CHST9: variants seen among roughly 807,000 people sequenced by gnomAD.
CHST9 encodes the protein GalNAc-4-sulfotransferase 2.
A neutral mutation model predicts 44.4 loss-of-function variants in CHST9; 41 were observed. The ratio of observed to expected loss-of-function variants is 0.92; its 90% CI spans 0.72 to 1.20. CHST9 has a LOEUF of 1.20. Ranked by LOEUF, CHST9 falls within the 50% of genes most tolerant of loss-of-function variation. CHST9 has a pLI of 0.00. For synonymous variants in CHST9, 171 were observed against 178.4 expected (o/e 0.96, Z 0.33); for missense variants, 504 against 516.5 (o/e 0.98, Z 0.23).
At chr18:27,138,549 T>G (rs530655800) in intron 2 of CHST9, among the ~76,000 whole-genome samples, 49 of 152,270 alleles carry the variant, frequency 3.2e-4, no homozygotes, top group African/African-American at 1.2e-3. Flanking sequence ...TGGGCACAAT[T>G]GAATTTTCCT....
intron 4 of CHST9, among the ~76,000 whole-genome samples, chr18:26,950,333 A>G (rs2056226892): frequency 6.6e-6 from 1 of 152,182 alleles, no homozygotes; most frequent in Non-Finnish European, 1.5e-5. Context: ...CTATGGGTGA[A>G]AGGACAGCCA....
chr18:27,101,685 T>C (rs558605547), intron 2 of CHST9, among the ~76,000 whole-genome samples: 1 of 152,014 alleles, frequency 6.6e-6, no homozygotes, highest in Non-Finnish European at 1.5e-5. Context: ...ATAAATGACA[T>C]CTCTGCTCTC....
Position 26,989,028 on chromosome 18 carries a change from C to CAA in CHST9, c.202+35087_202+35088insTT, listed in dbSNP as rs566050468. On this transcript the variant is annotated intron_variant, in intron 4 of 5. Coordinates refer to ENST00000618847, the MANE Select transcript of CHST9 (RefSeq NM_031422.6). The stretch of plus-strand genomic sequence containing the variant: ...GGAGGAATTTTATAGTGCTTAACAC[C>CAA]TATATAAGAAAAAAAGAAAAGTCTC... Among the ~76,000 whole-genome samples, 405 of 151,654 alleles carry CAA rather than the reference C, an allele frequency of 2.7e-3. 1 individual carries two copies. Among genetic ancestry groups the CAA allele is most frequent in the African/African-American group, 9.5e-3 (394 of 41,364 alleles).
At chr18:26,937,740 G>T (rs1395514578) in intron 5 of CHST9, among the ~76,000 whole-genome samples, 1 of 152,136 alleles carries the variant, frequency 6.6e-6, no homozygotes, top group Non-Finnish European at 1.5e-5. Context: ...ACTGTTGTGA[G>T]GTTTAAGAGA....
intron 2 of CHST9, among the ~76,000 whole-genome samples, chr18:27,108,962 T>A (rs2058246055): frequency 6.6e-6 from 1 of 152,224 alleles, no homozygotes; most frequent in Admixed American, 6.5e-5. Flanking sequence ...TTATTCTACT[T>A]CTCTATACTA....
chr18:27,036,799 C>T (rs905778621), intron 3 of CHST9, among the ~76,000 whole-genome samples: 2 of 152,034 alleles, frequency 1.3e-5, no homozygotes, highest in African/African-American at 4.8e-5. Context: ...ATGGTAAGAA[C>T]GCAACATGAG....
chr18:27,180,949 C>G (rs1341690156), intron 1 of CHST9, among the ~76,000 whole-genome samples: 1 of 151,738 alleles, frequency 6.6e-6, no homozygotes, highest in Non-Finnish European at 1.5e-5. Context: ...AAATGTCATG[C>G]CTTACAAAAA....
At chr18:26,951,597 C>T (rs2056249281) in intron 4 of CHST9, among the ~76,000 whole-genome samples, 1 of 152,004 alleles carries the variant, frequency 6.6e-6, no homozygotes, top group Non-Finnish European at 1.5e-5. Context: ...GAAAATACTT[C>T]TTTTCTAGGT....
At chr18:27,137,993 C>T (rs562099741) in intron 2 of CHST9, among the ~76,000 whole-genome samples, 358 of 152,276 alleles carry the variant, frequency 2.4e-3, no homozygotes, top group Non-Finnish European at 3.7e-3. Context: ...GTCCTCTGCA[C>T]GCTTTCACCT....
intron 5 of CHST9, among the ~76,000 whole-genome samples, chr18:26,922,795 C>G (rs1296015850): frequency 6.6e-6 from 1 of 151,968 alleles, no homozygotes; most frequent in African/African-American, 2.4e-5. Flanking sequence ...GCCACCACAC[C>G]CGGCTAATTT....
chr18:27,089,943 T>C (rs1014291887), intron 2 of CHST9, among the ~76,000 whole-genome samples: 1 of 151,868 alleles, frequency 6.6e-6, no homozygotes, highest in Non-Finnish European at 1.5e-5. Context: ...CCCCAGTAGC[T>C]GGGACTACAG....
chr18:26,986,376 T>C (rs1427461662), intron 4 of CHST9, among the ~76,000 whole-genome samples: 2 of 151,918 alleles, frequency 1.3e-5, no homozygotes, highest in Non-Finnish European at 2.9e-5. Flanking sequence ...GCCACAGCAA[T>C]AGAAATTATC....
At chr18:27,097,193 T>A (rs1241704026) in intron 2 of CHST9, among the ~76,000 whole-genome samples, 2 of 151,968 alleles carry the variant, frequency 1.3e-5, no homozygotes, top group African/African-American at 2.4e-5. Flanking sequence ...TCTCAATAGA[T>A]GCAGAAATAG....
intron 1 of CHST9, among the ~76,000 whole-genome samples, chr18:27,153,137 T>C (rs757636420): frequency 5.3e-5 from 8 of 152,144 alleles, no homozygotes; most frequent in Non-Finnish European, 1.2e-4. Context: ...TTACACAGTT[T>C]AGAATGGATT....
At chr18:26,939,608 C>T (rs1206781411) in intron 5 of CHST9, among the ~76,000 whole-genome samples, 2 of 152,210 alleles carry the variant, frequency 1.3e-5, no homozygotes, top group African/African-American at 4.8e-5. Flanking sequence ...TTAAAGGAAG[C>T]TGCACCCAAG....
intron 2 of CHST9, among the ~76,000 whole-genome samples, chr18:27,062,493 A>T (rs529576750): frequency 1.5e-4 from 23 of 152,280 alleles, no homozygotes; most frequent in Admixed American, 3.3e-4. Flanking sequence ...ACATGAACTC[A>T]TCCTTTTTTC....
intron 1 of CHST9, among the ~76,000 whole-genome samples, chr18:27,145,202 AT>A (rs1337273895): frequency 6.6e-6 from 1 of 151,300 alleles, no homozygotes; most frequent in East Asian, 1.9e-4. Context: ...TTTGTTTATT[AT>A]TTTTTTGTGG....
intron 4 of CHST9, among the ~76,000 whole-genome samples, chr18:27,002,004 A>C (rs1433435924): frequency 6.6e-6 from 1 of 152,134 alleles, no homozygotes; most frequent in Non-Finnish European, 1.5e-5. Context: ...CCCCTGCAGA[A>C]AGACAATTTT....
In CHST9 at chr18:26,929,975, G is replaced by A. The variant is rs182187031; in HGVS notation, c.241-12625C>T. Among the ~76,000 whole-genome samples the A allele has an allele frequency of 4.1e-3, 622 of 152,302 alleles. 3 individuals carry two copies. The highest frequency in any genetic ancestry group is 5.4e-3 in the Non-Finnish European group (365 of 68,030). ...TCCTGGGAGCAGCATTGCCATGTGC[G>A]AGAGTAGTAGGGGCACTGGCAGGAA... On this transcript the variant is annotated intron_variant, in intron 5 of 5. Coordinates refer to ENST00000618847, the MANE Select transcript of CHST9 (RefSeq NM_031422.6).
Sources: allele counts gnomAD v4.1 joint callset (sites outside exome capture counted in the v4.1 genomes callset), GRCh38; gene constraint gnomAD v4.1.1; transcripts MANE v1.5; gene names NCBI Gene and HGNC (gene_info 2026-07-23, HGNC 2026-07-21).